The following SF3B3 variants were observed in gnomAD, a reference collection of about 807,000 sequenced individuals.
SF3B3 encodes the protein SAP 130.
In SF3B3, 33 loss-of-function variants were observed where a neutral mutation model predicts 139.2. That is an observed-to-expected ratio of 0.24 (90% CI 0.18 to 0.32). The LOEUF is 0.32. Ranked by LOEUF, SF3B3 falls within the 10% of genes least tolerant of loss-of-function variation. SF3B3 has a pLI of 1.00. For synonymous variants in SF3B3, 596 were observed against 563.6 expected (o/e 1.06, Z -0.81); for missense variants, 818 against 1,509.4 (o/e 0.54, Z 7.59).
At chr16:70,557,146 A>G in intron 15 of SF3B3, 117 bp downstream of exon 15, 1 of 1,081,434 alleles carries the variant, frequency 9.2e-7, no homozygotes, top group Non-Finnish European at 1.3e-6. Flanking sequence ...ACCTTATGAA[A>G]AGTGAACAGT....
intron 6 of SF3B3, among the ~76,000 whole-genome samples, chr16:70,536,192 G>A (rs2151778995): frequency 6.6e-6 from 1 of 151,174 alleles, no homozygotes; most frequent in East Asian, 1.9e-4. Context: ...TTTTGAGATG[G>A]AGTCTTGCTC....
At chr16:70,554,619 CT>C in intron 12 of SF3B3, 22 bp downstream of exon 12, 1 of 1,613,430 alleles carries the variant, frequency 6.2e-7, no homozygotes, top group African/African-American at 1.3e-5. Flanking sequence ...CAGAGCTTAC[CT>C]ACTTGGCCTG....
intron 17 of SF3B3, among the ~76,000 whole-genome samples, chr16:70,562,353 G>T (rs752443562): frequency 6.6e-6 from 1 of 152,126 alleles, no homozygotes; most frequent in Non-Finnish European, 1.5e-5. Context: ...TTCACATCCT[G>T]GTTATAACTA....
rs906909344 is a variant in SF3B3, at chr16:70,539,250, A to G, written c.1067+43A>G. Reference sequence around the variant, plus strand: ...TACCCTAGTTCACCCTGGTTGGGATAAAAGTTGGCAGCAGAAGCTGGGTGC... The same window carrying G: ...TACCCTAGTTCACCCTGGTTGGGATGAAAGTTGGCAGCAGAAGCTGGGTGC... On this transcript the variant is annotated intron_variant, in intron 8 of 25. Coordinates refer to ENST00000302516, the MANE Select transcript of SF3B3 (RefSeq NM_012426.5). The G allele has an allele frequency of 2.8e-6, 4 of 1,437,688 alleles. No homozygotes were observed. The Admixed American group carries it at 6.7e-5, about 24-fold the overall frequency. 89.1% of individuals were successfully genotyped at this position (1,437,688 alleles called of 1,614,324 possible).
At chr16:70,543,974 C>T (rs2151783686) in intron 9 of SF3B3, among the ~76,000 whole-genome samples, 1 of 152,188 alleles carries the variant, frequency 6.6e-6, no homozygotes, top group East Asian at 1.9e-4. Context: ...CCACCTCCGC[C>T]TCCTCAGTAG....
At position 70,561,106 on chromosome 16, in the gene SF3B3, C is replaced by T. The variant is rs139552633; in HGVS notation, c.2133+515C>T. Among the ~76,000 whole-genome samples, 427 of 152,272 alleles carry T rather than the reference C, an allele frequency of 2.8e-3. 2 individuals are homozygous for T. The highest frequency in any genetic ancestry group is 0.014 in the Admixed American group (208 of 15,296). ...TGCAAGCTTGGCTCACTGCAACCTCCGCCTCCTGGGTTCAACCAATTGTCT... is the reference window on the plus strand; with the variant it reads ...TGCAAGCTTGGCTCACTGCAACCTCTGCCTCCTGGGTTCAACCAATTGTCT... On this transcript the variant is annotated intron_variant, in intron 16 of 25. Transcript: ENST00000302516.
chr16:70,563,601 TA>T (rs2050449312), intron 17 of SF3B3: 52 of 343,052 alleles, frequency 1.5e-4, no homozygotes, highest in Middle Eastern at 1.6e-3. Flanking sequence ...TTGGAGTGAT[TA>T]AAAAAAAACT....
At position 70,556,973 on chromosome 16, in the gene SF3B3, G is replaced by T; in HGVS notation, c.1954G>T (p.Asp652Tyr). The stretch of plus-strand genomic sequence containing the variant: ...GGAAATGGGTGGGACTGAGAAGCAG[G>T]ATGAGCTGGGTGAGAGGGGCTCGAT... ...IVEMGGTEKQDELGERGSIGF... is the reference protein window; with the variant it reads ...IVEMGGTEKQYELGERGSIGF... The change falls in exon 15 of 26, where the codon GAT becomes TAT. Residue 652 changes from aspartate (D) to tyrosine (Y), a missense_variant. This residue lies in a region of SF3B3 where 170 missense variants were observed against 353.0 expected (regional missense o/e 0.48). Coordinates refer to ENST00000302516, the MANE Select transcript of SF3B3 (RefSeq NM_012426.5). 1 of 1,614,120 alleles carries T rather than the reference G, an allele frequency of 6.2e-7. No individual in the cohort carries two copies. Among genetic ancestry groups the T allele is most frequent in the South Asian group, 1.1e-5 (1 of 91,066 alleles).
At chr16:70,539,845 C>T (rs1452970245) in intron 8 of SF3B3, among the ~76,000 whole-genome samples, 6 of 148,550 alleles carry the variant, frequency 4.0e-5, no homozygotes, top group South Asian at 2.1e-4. Flanking sequence ...GGTGTGATCT[C>T]GGCTCACCGC....
At chr16:70,560,703 T>C in intron 16 of SF3B3, 112 bp downstream of exon 16, 1 of 1,262,522 alleles carries the variant, frequency 7.9e-7, no homozygotes, top group South Asian at 1.4e-5. Flanking sequence ...CCATCTTGAT[T>C]GGTTTCCTTC....
chr16:70,570,228 A>G, intron 24 of SF3B3, 79 bp downstream of exon 24: 1 of 1,330,626 alleles, frequency 7.5e-7, no homozygotes. Flanking sequence ...GGTCAAATTC[A>G]TTTGTCCCCA....
At position 70,564,029 on chromosome 16, in the gene SF3B3, G is replaced by A. The variant is rs757321213; in HGVS notation, c.2442G>A (p.Gln814=). 8.7e-6 allele frequency: 14 copies of A among 1,614,088 alleles called. No homozygotes were observed. The highest frequency in any genetic ancestry group is 9.3e-6 in the Non-Finnish European group (11 of 1,180,018). The stretch of plus-strand genomic sequence containing the variant: ...CCTACACTGAGGCCACGAAAGCTCA[G>A]AGAAAGCAGCAGATGGCAGAGGTAA... ...HNAYTEATKA[Q]RKQQMAEEMV... is the part of the protein sequence containing the mutation. Residue 814 remains glutamine (Q), a synonymous_variant, in exon 18 of 26, where the codon CAG becomes CAA. Coordinates refer to ENST00000302516, the MANE Select transcript of SF3B3 (RefSeq NM_012426.5).
At chr16:70,557,062 T>C (rs1467060745) in intron 15 of SF3B3, 33 bp downstream of exon 15, 2 of 1,571,224 alleles carry the variant, frequency 1.3e-6, no homozygotes, top group Non-Finnish European at 1.7e-6. Flanking sequence ...TTGTGGACAT[T>C]AGGCCTTCTG....
At chr16:70,550,698 G>A in intron 11 of SF3B3, 1 of 983,252 alleles carries the variant, frequency 1.0e-6, no homozygotes, top group Non-Finnish European at 1.2e-6. Flanking sequence ...TAACTGCTAG[G>A]GTCGATGTGG....
chr16:70,528,847 A>C, intron 2 of SF3B3, 26 bp from the exon 3 acceptor site: 1 of 1,565,010 alleles, frequency 6.4e-7, no homozygotes, highest in Non-Finnish European at 8.8e-7. Context: ...CTGGTTGTTT[A>C]TGATCTTTAT....
In SF3B3 at chr16:70,570,166, TACTCTG is replaced by T; in HGVS notation, c.3408+18_3408+23del. On this transcript the variant is annotated intron_variant, in intron 24 of 25. Coordinates refer to ENST00000302516, the MANE Select transcript of SF3B3 (RefSeq NM_012426.5). ...TCCCATGAGGTGAGAGCGCCCACAT[TACTCTG>T]GCCTTGACTTTTAAGGTTGTTTCTT... 6.2e-7 allele frequency: 1 copy of T among 1,613,762 alleles called. No homozygotes were observed. The highest frequency in any genetic ancestry group is 1.1e-5 in the South Asian group (1 of 91,056).
intron 9 of SF3B3, among the ~76,000 whole-genome samples, chr16:70,544,206 A>G (rs953112756): frequency 6.6e-6 from 1 of 152,192 alleles, no homozygotes; most frequent in African/African-American, 2.4e-5. Context: ...CAGTACTCAC[A>G]TGTGCGTCTG....
At chr16:70,541,311 A>T (rs4985532) in intron 8 of SF3B3, among the ~76,000 whole-genome samples, 3 of 141,520 alleles carry the variant, frequency 2.1e-5, no homozygotes, top group Non-Finnish European at 3.2e-5. Context: ...TGAGTTCTCT[A>T]TGTGTTCTGG....
At chr16:70,563,748 T>C in intron 17 of SF3B3, 128 bp from the exon 18 acceptor site, 1 of 814,326 alleles carries the variant, frequency 1.2e-6, no homozygotes, top group Non-Finnish European at 2.0e-6. Flanking sequence ...GGCTGTTGTT[T>C]AATGTTGCCT....
Sources: allele counts gnomAD v4.1 joint callset (sites outside exome capture counted in the v4.1 genomes callset), GRCh38; gene constraint gnomAD v4.1.1; regional missense constraint gnomAD v4.1.1; transcripts MANE v1.5; gene names NCBI Gene and HGNC (gene_info 2026-07-23, HGNC 2026-07-21).